AP3B2: variants seen among roughly 807,000 people sequenced by gnomAD.
The protein encoded by AP3B2 is adaptor related protein complex 3 subunit beta 2.
AP3B2 carries 50 observed loss-of-function variants against 126.9 expected under a neutral mutation model. The observed-to-expected ratio is 0.39, with a 90% confidence interval of 0.31 to 0.50. The LOEUF (loss-of-function observed/expected upper bound fraction) is 0.50. AP3B2 is among the 20% of genes least tolerant of loss of function. The pLI, the probability that AP3B2 is intolerant of heterozygous loss-of-function variation, is 0.79. For missense variants in AP3B2, 1,177 were observed against 1,426.4 expected (o/e 0.83, Z 2.82); for synonymous variants, 541 against 565.0 (o/e 0.96, Z 0.60).
At chr15:82,685,620 C>T (rs1161743986) in intron 4 of AP3B2, 2 of 152,102 alleles carry the variant, frequency 1.3e-5, no homozygotes, top group Non-Finnish European at 2.9e-5. Context: ...ACCTGTTTTC[C>T]TTTTTTGTGT....
In AP3B2 at chr15:82,678,098, C is replaced by T. The variant is rs1596179693; in HGVS notation, c.1245+7G>A. 6.2e-7 allele frequency: 1 copy of T among 1,613,648 alleles called. No individual in the cohort carries two copies. Among genetic ancestry groups the T allele is most frequent in the Non-Finnish European group, 8.5e-7 (1 of 1,179,786 alleles). On this transcript the variant is annotated splice_region_variant and intron_variant, in intron 11 of 26. Coordinates refer to ENST00000535359, the MANE Select transcript of AP3B2 (RefSeq NM_001278512.2). The stretch of plus-strand genomic sequence containing the variant: ...CCAGGCCCTTCTGGCTGGGAGCTGG[C>T]CTGTACCTGGAATTCCCGTAGGACA...
intron 14 of AP3B2, among the ~76,000 whole-genome samples, chr15:82,671,284 C>A (rs1567260783): frequency 2.6e-5 from 4 of 151,768 alleles, no homozygotes; most frequent in Non-Finnish European, 5.9e-5. Flanking sequence ...GACTCCGTCT[C>A]AAAAAACAAA....
Position 82,663,802 on chromosome 15 carries a change from G to C in AP3B2, c.2435C>G (p.Thr812Arg). Residue 812 changes from threonine to arginine, a missense_variant and splice_region_variant, in exon 20 of 27, where the codon ACA becomes AGA. Transcript: ENST00000535359. Reference protein sequence around the residue: ...QLEPASWSRKTPPSSKSAPAT... With the variant: ...QLEPASWSRKRPPSSKSAPAT... ...CTGACTCTGCCCCAAGGCTCTCACT[G>C]TTTTCCTGCTCCAGGAGGCAGGTTC... 6.2e-7 allele frequency: 1 copy of C among 1,612,434 alleles called. No individual in the cohort carries two copies. The highest frequency in any genetic ancestry group is 8.5e-7 in the Non-Finnish European group (1 of 1,178,998).
chr15:82,660,679 CT>C (rs2047927449), intron 25 of AP3B2, among the ~76,000 whole-genome samples: 1 of 152,230 alleles, frequency 6.6e-6, no homozygotes, highest in East Asian at 1.9e-4. Context: ...ACTGCTTCCC[CT>C]ATTCTTCACC....
At chr15:82,685,749 T>C (rs182220788) in intron 4 of AP3B2, 1 of 152,222 alleles carries the variant, frequency 6.6e-6, no homozygotes, top group African/African-American at 2.4e-5. Flanking sequence ...TTCAGTGATA[T>C]GTTTGTGGAA....
chr15:82,659,852 C>T lies in AP3B2; in HGVS notation c.3148G>A (p.Glu1050Lys), dbSNP rs1425860698. 6.2e-6 allele frequency: 10 copies of T among 1,613,960 alleles called. No homozygotes were observed. Among genetic ancestry groups the T allele is most frequent in the Non-Finnish European group, 6.8e-6 (8 of 1,179,862 alleles). ...CTACTGGTGGCCTAGTACCTGTACT[C>T]ATCAGATGTCCCACAAGGAACACGA... is the stretch of plus-strand genomic sequence containing the variant. ...LGRVPCGTSD[E>K]YRFAGRTLTG... Residue 1050 changes from glutamate to lysine, a missense_variant, in exon 26 of 27, where the codon GAG becomes AAG. Physicochemically the swap from Glu to Lys is moderately conservative, Grantham distance 56. Coordinates refer to ENST00000535359, the MANE Select transcript of AP3B2 (RefSeq NM_001278512.2).
At position 82,665,788 on chromosome 15, in the gene AP3B2, G is replaced by A. The variant is rs1567257651; in HGVS notation, c.1853-213C>T. 6.6e-6 allele frequency among the ~76,000 whole-genome samples: 1 copy of A among 152,232 alleles called. No homozygotes were observed. The highest frequency in any genetic ancestry group is 1.5e-5 in the Non-Finnish European group (1 of 68,038). Reference sequence around the variant, plus strand: ...GGCTGTCTGGCCAGGCCAGAGCAGGGACTGAGGGCCAGGGAAAGGCAGCCT... The same window carrying A: ...GGCTGTCTGGCCAGGCCAGAGCAGGAACTGAGGGCCAGGGAAAGGCAGCCT... On this transcript the variant is annotated intron_variant, in intron 15 of 26. Transcript: ENST00000535359. This position sits in a 1 kb window ranked among gnomAD's most constrained non-coding sequence, Gnocchi z 4.4.
intron 1 of AP3B2, among the ~76,000 whole-genome samples, chr15:82,705,422 C>A (rs532699759): frequency 6.6e-6 from 1 of 152,162 alleles, no homozygotes; most frequent in African/African-American, 2.4e-5. Flanking sequence ...CTATCCACCC[C>A]GTGGTGCCAA....
Position 82,664,976 on chromosome 15 carries a change from A to T in AP3B2, c.2029-33T>A, listed in dbSNP as rs376981047. 5 of 1,514,744 alleles carry T rather than the reference A, an allele frequency of 3.3e-6. No individual in the cohort carries two copies. Among genetic ancestry groups the T allele is most frequent in the African/African-American group, 1.4e-5 (1 of 72,940 alleles). 93.8% of individuals were successfully genotyped at this position (1,514,744 alleles called of 1,614,324 possible). The stretch of plus-strand genomic sequence containing the variant: ...TGGGGGTAGGGTGCAGGGTCATTTC[A>T]TCATGGTTGGGGAGAAGGCAGGCAG... On this transcript the variant is annotated intron_variant, in intron 17 of 26. Transcript: ENST00000535359. The surrounding 1 kb of genome is among the most constrained non-coding windows in gnomAD (Gnocchi z 4.5).
intron 1 of AP3B2, chr15:82,691,801 C>T: frequency 1.3e-6 from 2 of 1,492,382 alleles, no homozygotes; most frequent in Non-Finnish European, 1.9e-6. Flanking sequence ...TTGACCCAAA[C>T]CGAGACTGTG....
rs1455027417 is a variant in AP3B2, at chr15:82,665,273, C to T, written c.2002G>A (p.Val668Met). 1.1e-5 allele frequency: 17 copies of T among 1,544,190 alleles called. No individual in the cohort carries two copies. The highest frequency in any genetic ancestry group is 1.4e-5 in the Non-Finnish European group (16 of 1,151,444). ...TCAGTGTATTCGCCCAACAGGCCCA[C>T]GTGAGTCTCAATAAGGGAGAGATCT... ...EEDLSLIETH[V>M]GLLGEYTEVP... The change falls in exon 17 of 27, where the codon GTG becomes ATG. Residue 668 changes from valine to methionine, a missense_variant. Transcript: ENST00000535359. The surrounding 1 kb of genome is among the most constrained non-coding windows in gnomAD (Gnocchi z 4.4).
At chr15:82,687,053 G>C (rs556592770) in intron 4 of AP3B2, 8 of 152,146 alleles carry the variant, frequency 5.3e-5, no homozygotes, top group Non-Finnish European at 1.2e-4. Context: ...TAGTTGTGGA[G>C]GTTTCAACAA....
At chr15:82,663,675 C>A in intron 20 of AP3B2, 55 bp from the exon 21 acceptor site, 2 of 1,612,020 alleles carry the variant, frequency 1.2e-6, no homozygotes, top group South Asian at 2.2e-5. Context: ...TTGGCATGTT[C>A]TGGGTTGGGT....
intron 14 of AP3B2, among the ~76,000 whole-genome samples, chr15:82,673,440 A>C (rs1204986205): frequency 6.6e-6 from 1 of 152,126 alleles, no homozygotes; most frequent in Non-Finnish European, 1.5e-5. Flanking sequence ...TCTTGAATTC[A>C]TGACCTCAAA....
In AP3B2 at chr15:82,681,366, T is replaced by C; in HGVS notation, c.521+54A>G. 6.2e-7 allele frequency: 1 copy of C among 1,601,422 alleles called. No homozygotes were observed. Among genetic ancestry groups the C allele is most frequent in the Non-Finnish European group, 8.5e-7 (1 of 1,173,010 alleles). ...AGACTTAGGAAAGGCCAGGGGTGGG[T>C]TGAGAACTTAGGAACCAGCCTCCTG... On this transcript the variant is annotated intron_variant, in intron 5 of 26. Transcript: ENST00000535359. The surrounding 1 kb of genome is among the most constrained non-coding windows in gnomAD (Gnocchi z 4.0).
At chr15:82,670,117 G>GGGGT (rs1555465718) in intron 14 of AP3B2, among the ~76,000 whole-genome samples, 4 of 136,192 alleles carry the variant, frequency 2.9e-5, no homozygotes, top group African/African-American at 1.1e-4. Flanking sequence ...TTTTTTGGCG[G>GGGGT]GGGGGGACGA....
At chr15:82,661,332 C>G (rs1023545732) in intron 25 of AP3B2, among the ~76,000 whole-genome samples, 1 of 152,186 alleles carries the variant, frequency 6.6e-6, no homozygotes, top group African/African-American at 2.4e-5. Flanking sequence ...ATCAGCTTAT[C>G]CAAAACTAAC....
chr15:82,688,906 C>A, intron 3 of AP3B2, 75 bp from the exon 4 acceptor site: 12 of 1,372,582 alleles, frequency 8.7e-6, no homozygotes, highest in Non-Finnish European at 1.2e-5. Context: ...CCTGGGATGT[C>A]ATCTCCCCAG....
At chr15:82,701,536 T>G (rs2048719587) in intron 1 of AP3B2, among the ~76,000 whole-genome samples, 1 of 152,246 alleles carries the variant, frequency 6.6e-6, no homozygotes, top group South Asian at 2.1e-4. Flanking sequence ...ATTCACTGTT[T>G]TATCTACTTA....
Sources: gnomAD v4.1 joint callset for allele counts (sites outside exome capture counted in the v4.1 genomes callset) on GRCh38, gnomAD v4.1.1 for gene constraint, Gnocchi (gnomAD v3.1) non-coding constraint, MANE v1.5 for transcripts, NCBI Gene and HGNC (gene_info 2026-07-23, HGNC 2026-07-21) for gene names.